BMPR1B: variants seen among roughly 807,000 people sequenced by gnomAD.
BMPR1B encodes bone morphogenetic protein receptor type-1B.
A neutral mutation model predicts 59.1 loss-of-function variants in BMPR1B; 12 were observed. That is an observed-to-expected ratio of 0.20 (90% CI 0.13 to 0.33). BMPR1B has a LOEUF of 0.33. Ranked by LOEUF, BMPR1B falls within the 10% of genes least tolerant of loss-of-function variation. The pLI, the probability that BMPR1B is intolerant of heterozygous loss-of-function variation, is 1.00. For synonymous variants in BMPR1B, 237 were observed against 207.3 expected, an observed-to-expected ratio of 1.14 and a Z score of -1.23; for missense variants, 550 against 610.9, an observed-to-expected ratio of 0.90 and a Z score of 1.05.
At chr4:95,068,595 C>T (rs1436593253) in intron 3 of BMPR1B, among the ~76,000 whole-genome samples, 3 of 152,164 alleles carry the variant, frequency 2.0e-5, no homozygotes, top group African/African-American at 2.4e-5. Flanking sequence ...GTTAATGGCC[C>T]ATGAAAGCAG....
At chr4:94,907,230 G>GGCATTGACTATACCATAAACCCTA (rs1429336167) in intron 2 of BMPR1B, among the ~76,000 whole-genome samples, 2 of 152,054 alleles carry the variant, frequency 1.3e-5, no homozygotes, top group African/African-American at 4.8e-5. Context: ...TTCATGAAGA[G>GGCATTGACTATACCATAAACCCTA]GCATTGACTA....
chr4:95,131,397 A>G lies in BMPR1B; in HGVS notation c.961A>G (p.Ser321Gly). The change falls in exon 10 of 13, where the codon AGT (serine) becomes GGT (glycine). Residue 321 changes from serine to glycine, a missense_variant. Coordinates refer to ENST00000515059, the MANE Select transcript of BMPR1B (RefSeq NM_001203.3). ...ATGTCATTTACACACAGAAATCTTT[A>G]GTACTCAAGGCAAACCAGCAATTGC... ...GLCHLHTEIF[S>G]TQGKPAIAHR... 3 of 1,614,088 alleles carry G rather than the reference A, an allele frequency of 1.9e-6. No individual in the cohort carries two copies. Among genetic ancestry groups the G allele is most frequent in the Non-Finnish European group, 2.5e-6 (3 of 1,179,998 alleles).
At chr4:94,900,524 C>T (rs898428003) in intron 2 of BMPR1B, among the ~76,000 whole-genome samples, 1 of 151,850 alleles carries the variant, frequency 6.6e-6, no homozygotes, top group Non-Finnish European at 1.5e-5. Context: ...AAATACAATG[C>T]AAGTGTATTA....
At position 95,109,518 on chromosome 4, in the gene BMPR1B, C is replaced by T. The variant is rs113516227; in HGVS notation, c.143+4951C>T. Among the ~76,000 whole-genome samples, 572 of 152,172 alleles carry T rather than the reference C, an allele frequency of 3.8e-3. 3 individuals are homozygous for T. Among genetic ancestry groups the T allele is most frequent in the African/African-American group, 0.013 (520 of 41,542 alleles). The stretch of plus-strand genomic sequence containing the variant: ...AGGATTTAAGCGTGCATTGTTCCAG[C>T]TTGTTTGCACGTTTTACCTTGCATA... On this transcript the variant is annotated intron_variant, in intron 4 of 12. Transcript: ENST00000515059.
intron 3 of BMPR1B, among the ~76,000 whole-genome samples, chr4:95,095,226 G>A (rs1045463813): frequency 7.9e-5 from 12 of 151,996 alleles, no homozygotes; most frequent in African/African-American, 2.4e-4. Flanking sequence ...AAAAATTAGC[G>A]ATTAAACTAT....
chr4:94,945,258 T>C (rs1410676541), intron 2 of BMPR1B, among the ~76,000 whole-genome samples: 2 of 152,210 alleles, frequency 1.3e-5, no homozygotes, highest in Non-Finnish European at 2.9e-5. Flanking sequence ...TCCCAGTTTA[T>C]AAGTGTTCCC....
intron 1 of BMPR1B, among the ~76,000 whole-genome samples, chr4:94,832,598 C>G (rs1724643715): frequency 6.6e-6 from 1 of 151,774 alleles, no homozygotes. Context: ...CTTGGCCAAA[C>G]ATGGTAAAAC....
intron 1 of BMPR1B, among the ~76,000 whole-genome samples, chr4:94,844,106 AGCTGATAATAAT>A (rs1725216624): frequency 6.6e-6 from 1 of 152,228 alleles, no homozygotes; most frequent in South Asian, 2.1e-4. Context: ...TGGGGACCAT[AGCTGATAATAAT>A]GTATTGCATA....
intron 3 of BMPR1B, among the ~76,000 whole-genome samples, chr4:95,051,029 A>G (rs1006131026): frequency 1.8e-4 from 27 of 152,226 alleles, no homozygotes; most frequent in African/African-American, 6.0e-4. Flanking sequence ...TCTTAAAACT[A>G]TAGTCATAAC....
chr4:95,041,434 G>A (rs926219733), intron 3 of BMPR1B, among the ~76,000 whole-genome samples: 2 of 152,078 alleles, frequency 1.3e-5, no homozygotes, highest in African/African-American at 4.8e-5. Context: ...ACCTCTGAAG[G>A]CACTGCTGTT....
At chr4:94,975,721 A>C (rs1316919939) in intron 2 of BMPR1B, among the ~76,000 whole-genome samples, 11 of 152,116 alleles carry the variant, frequency 7.2e-5, no homozygotes, top group Non-Finnish European at 4.4e-5. Flanking sequence ...TATAATACCT[A>C]ACCTGTTTTG....
chr4:94,787,539 A>G (rs1722805898), intron 1 of BMPR1B, among the ~76,000 whole-genome samples: 1 of 152,152 alleles, frequency 6.6e-6, no homozygotes, highest in Non-Finnish European at 1.5e-5. Flanking sequence ...AGTTTATTAC[A>G]CTTAGCTCAG....
At chr4:95,139,996 A>T (rs1734103680) in intron 10 of BMPR1B, among the ~76,000 whole-genome samples, 1 of 151,494 alleles carries the variant, frequency 6.6e-6, no homozygotes. Context: ...TGCAGAAATC[A>T]CTCATCTTCT....
chr4:95,051,790 C>T, intron 3 of BMPR1B: 1 of 1,534,330 alleles, frequency 6.5e-7, no homozygotes, highest in Non-Finnish European at 8.7e-7. Flanking sequence ...GATCAGTGCC[C>T]TCCACTACAG....
intron 2 of BMPR1B, among the ~76,000 whole-genome samples, chr4:94,970,236 TTTTTCTTCTC>T (rs1730720208): frequency 7.1e-6 from 1 of 140,570 alleles, no homozygotes; most frequent in African/African-American, 2.7e-5. Flanking sequence ...CAGCTGTTTG[TTTTTCTTCTC>T]TTCTCTTCTC....
At chr4:94,798,368 A>T (rs532834792) in intron 1 of BMPR1B, among the ~76,000 whole-genome samples, 8 of 152,328 alleles carry the variant, frequency 5.3e-5, no homozygotes, top group African/African-American at 1.9e-4. Context: ...CCAGTATTAA[A>T]TGTGTCCCAC....
At chr4:94,765,149 G>A (rs114682420) in intron 1 of BMPR1B, among the ~76,000 whole-genome samples, 4,364 of 152,056 alleles carry the variant, frequency 0.029, 102 homozygotes, top group South Asian at 0.059. Context: ...ATAAATCTTG[G>A]CAGGAAAATT....
chr4:94,827,141 C>G (rs1213655919), intron 1 of BMPR1B, among the ~76,000 whole-genome samples: 2 of 152,000 alleles, frequency 1.3e-5, no homozygotes, highest in African/African-American at 4.8e-5. Flanking sequence ...TCCTCATCCC[C>G]CTCTGTGTCT....
At chr4:95,047,878 G>T (rs1042565220) in intron 3 of BMPR1B, among the ~76,000 whole-genome samples, 1 of 152,076 alleles carries the variant, frequency 6.6e-6, no homozygotes, top group Non-Finnish European at 1.5e-5. Flanking sequence ...GAGGTTTGGG[G>T]TACAATTGAT....
Sources: allele counts gnomAD v4.1 joint callset (sites outside exome capture counted in the v4.1 genomes callset), GRCh38; gene constraint gnomAD v4.1.1; transcripts MANE v1.5; gene names NCBI Gene and HGNC (gene_info 2026-07-23, HGNC 2026-07-21).